SEPTIN7: variants seen among roughly 807,000 people sequenced by gnomAD.
SEPTIN7 encodes septin-7.
In SEPTIN7, 10 loss-of-function variants were observed where a neutral mutation model predicts 63.3. The ratio of observed to expected loss-of-function variants is 0.16; its 90% CI spans 0.10 to 0.27. The LOEUF (loss-of-function observed/expected upper bound fraction) is 0.27, where lower values mean the gene tolerates loss of function less well. Among genes scored for constraint, SEPTIN7 ranks in the 10% least tolerant of loss-of-function variants. The probability of loss-of-function intolerance (pLI) is 1.00; values close to 1 mark genes in which losing one functional copy is unlikely to be tolerated. For synonymous variants in SEPTIN7, 131 were observed against 165.3 expected (o/e 0.79, Z 1.59); for missense variants, 310 against 521.0 (o/e 0.59, Z 3.94).
chr7:35,897,086 G>C (rs1448358134), intron 11 of SEPTIN7, among the ~76,000 whole-genome samples: 1 of 152,104 alleles, frequency 6.6e-6, no homozygotes, highest in Non-Finnish European at 1.5e-5. Context: ...AAAATGACTA[G>C]CCTTAAAGTT....
At chr7:35,887,494 G>A (rs1217801022) in intron 10 of SEPTIN7, among the ~76,000 whole-genome samples, 1 of 152,130 alleles carries the variant, frequency 6.6e-6, no homozygotes, top group African/African-American at 2.4e-5. Context: ...TTATAGGCAT[G>A]CACCACTACA....
At chr7:35,874,528 A>G (rs1786352992) in intron 6 of SEPTIN7, among the ~76,000 whole-genome samples, 1 of 152,102 alleles carries the variant, frequency 6.6e-6, no homozygotes, top group African/African-American at 2.4e-5. Flanking sequence ...CCACCTGATG[A>G]TTATAACTCC....
chr7:35,804,705 AC>A (rs1788209580), intron 1 of SEPTIN7, among the ~76,000 whole-genome samples: 1 of 152,152 alleles, frequency 6.6e-6, no homozygotes, highest in Non-Finnish European at 1.5e-5. Flanking sequence ...ACCTACACAA[AC>A]CTAGATGGTA....
intron 12 of SEPTIN7, chr7:35,901,593 G>A (rs1177227902): frequency 6.6e-6 from 1 of 152,068 alleles, no homozygotes; most frequent in East Asian, 1.9e-4. Context: ...ATTGTGACCT[G>A]TACCTTTATC....
the SEPTIN7 span, among the ~76,000 whole-genome samples, chr7:35,913,548 CTTCCTTCCTTCCTTCTTTCT>C: frequency 2.2e-5 from 3 of 136,162 alleles, no homozygotes; most frequent in Non-Finnish European, 4.7e-5. Flanking sequence ...TCCTTCTTTC[CTTCCTTCCTTCCTTCTTTCT>C]TTCCTTCCTT....
chr7:35,888,987 T>C (rs1647498201), intron 10 of SEPTIN7: 1 of 257,924 alleles, frequency 3.9e-6, no homozygotes, highest in Admixed American at 4.3e-5. Flanking sequence ...AAAATTCCTA[T>C]CATCTGCTAT....
chr7:35,831,981 G>T, intron 2 of SEPTIN7: 1 of 347,532 alleles, frequency 2.9e-6, no homozygotes, highest in East Asian at 9.9e-5. Flanking sequence ...ATTAACCAAT[G>T]AGACTCTGCT....
chr7:35,823,765 T>C, intron 1 of SEPTIN7, among the ~76,000 whole-genome samples: 1 of 152,212 alleles, frequency 6.6e-6, no homozygotes, highest in East Asian at 1.9e-4. Context: ...GTGGACAAAA[T>C]TGCTTGGATG....
downstream of SEPTIN7, among the ~76,000 whole-genome samples, chr7:35,909,713 A>G (rs2116424131): frequency 6.6e-6 from 1 of 152,354 alleles, no homozygotes; most frequent in South Asian, 2.1e-4. Flanking sequence ...GAAGGTTATG[A>G]CATGGGCATT....
In SEPTIN7 at chr7:35,863,602, G is replaced by A. The variant is rs781724703; in HGVS notation, c.220G>A (p.Asp74Asn). 3 of 1,591,156 alleles carry A rather than the reference G, an allele frequency of 1.9e-6. No individual in the cohort carries two copies. Among genetic ancestry groups the A allele is most frequent in the East Asian group, 4.5e-5 (2 of 44,662 alleles). ...STLINSLFLT[D>N]LYSPEYPGPS... ...ATTAATCAACTCATTATTCCTCACA[G>A]ATTTGTATTCTCCAGAGTATCCAGG... Residue 74 changes from aspartate (D) to asparagine (N), a missense_variant, in exon 4 of 14, where the codon GAT (aspartate) becomes AAT (asparagine). By Grantham distance (23) the Asp-to-Asn change is conservative. This residue lies in a region of SEPTIN7 where 255 missense variants were observed against 490.5 expected (regional missense o/e 0.52). Coordinates refer to ENST00000350320, the MANE Select transcript of SEPTIN7 (RefSeq NM_001788.6).
chr7:35,902,554 CT>C (rs1310237900), intron 12 of SEPTIN7: 1 of 152,176 alleles, frequency 6.6e-6, no homozygotes, highest in Non-Finnish European at 1.5e-5. Context: ...AATCAGAGTA[CT>C]TTGCTGGCAT....
chr7:35,888,961 A>G (rs1787463597), intron 10 of SEPTIN7: 1 of 255,918 alleles, frequency 3.9e-6, no homozygotes, highest in African/African-American at 2.3e-5. Context: ...TTCAATCTTG[A>G]GTTATGAATT....
intron 4 of SEPTIN7, among the ~76,000 whole-genome samples, chr7:35,871,307 T>A (rs1210355110): frequency 6.6e-6 from 1 of 152,222 alleles, no homozygotes; most frequent in Non-Finnish European, 1.5e-5. Flanking sequence ...CATAATAAAA[T>A]TTTTTTAACA....
At chr7:35,856,245 T>C (rs760075904) in intron 3 of SEPTIN7, among the ~76,000 whole-genome samples, 22 of 152,230 alleles carry the variant, frequency 1.4e-4, no homozygotes, top group Non-Finnish European at 3.1e-4. Context: ...GTATGTATTC[T>C]TTTTAGATTG....
intron 12 of SEPTIN7, chr7:35,899,823 G>C (rs1419356230): frequency 6.6e-6 from 1 of 152,368 alleles, no homozygotes; most frequent in African/African-American, 2.4e-5. Flanking sequence ...GATAGAGGCT[G>C]TAGTGAGCCA....
At chr7:35,885,208 G>T (rs1477781297) in intron 9 of SEPTIN7, among the ~76,000 whole-genome samples, 2 of 151,816 alleles carry the variant, frequency 1.3e-5, no homozygotes, top group Non-Finnish European at 2.9e-5. Context: ...GTCCTTATTG[G>T]CAATTTTCCC....
At chr7:35,910,582 T>A (rs564387712), downstream of SEPTIN7, among the ~76,000 whole-genome samples, 1 of 152,360 alleles carries the variant, frequency 6.6e-6, no homozygotes, top group East Asian at 1.9e-4. Flanking sequence ...TGACTGCTTT[T>A]AATATGCCTA....
rs375726689 is a variant in SEPTIN7, at chr7:35,856,077, C to A, written c.170-7475C>A. Among the ~76,000 whole-genome samples, 48 of 152,264 alleles carry A rather than the reference C, an allele frequency of 3.2e-4. No homozygotes were observed. The East Asian group carries it at 6.2e-3, about 20-fold the overall frequency. Reference sequence around the variant, plus strand: ...AGAAATAATACAACTACTTATTGAGCACTTAATGTGTACCAGGCACTGTGC... The same window carrying A: ...AGAAATAATACAACTACTTATTGAGAACTTAATGTGTACCAGGCACTGTGC... On this transcript the variant is annotated intron_variant, in intron 3 of 13. Transcript: ENST00000350320.
Position 35,898,284 on chromosome 7 carries a change from G to T in SEPTIN7, c.1035G>T (p.Glu345Asp). The change falls in exon 12 of 14, where the codon GAG (glutamate) becomes GAT (aspartate). Residue 345 changes from glutamate to aspartate, a missense_variant. Physicochemically the swap from Glu to Asp is conservative, Grantham distance 45. This residue lies in a region of SEPTIN7 where 255 missense variants were observed against 490.5 expected (regional missense o/e 0.52). Transcript: ENST00000350320. Reference protein sequence around the residue: ...PLAQMEEERREHVAKMKKMEM... With the variant: ...PLAQMEEERRDHVAKMKKMEM... ...CACAAATGGAAGAAGAAAGAAGGGA[G>T]CATGTAGCTAAAATGAAGAAGATGG... 6.4e-7 allele frequency: 1 copy of T among 1,551,414 alleles called. No homozygotes were observed. Among genetic ancestry groups the T allele is most frequent in the Non-Finnish European group, 8.7e-7 (1 of 1,146,244 alleles).
Sources: allele counts gnomAD v4.1 joint callset (sites outside exome capture counted in the v4.1 genomes callset), GRCh38; gene constraint gnomAD v4.1.1; regional missense constraint gnomAD v4.1.1; transcripts MANE v1.5; gene names NCBI Gene and HGNC (gene_info 2026-07-23, HGNC 2026-07-21).